Variants in GAB4 observed in about 807,000 individuals in gnomAD.
GAB4 encodes the protein GRB2-associated-binding protein 4.
In GAB4, 26 loss-of-function variants were observed where a neutral mutation model predicts 51.3. That is an observed-to-expected ratio of 0.51 (90% CI 0.37 to 0.70). The LOEUF (loss-of-function observed/expected upper bound fraction) is 0.70, where lower values mean the gene tolerates loss of function less well. Ranked by LOEUF, GAB4 falls within the 30% of genes least tolerant of loss-of-function variation. The pLI, the probability that GAB4 is intolerant of heterozygous loss-of-function variation, is 0.00. For synonymous variants in GAB4, 329 were observed against 291.2 expected (o/e 1.13, Z -1.32); for missense variants, 759 against 734.6 (o/e 1.03, Z -0.38).
At chr22:16,977,611 A>G (rs2060790255) in intron 3 of GAB4, among the ~76,000 whole-genome samples, 1 of 152,198 alleles carries the variant, frequency 6.6e-6, no homozygotes, top group African/African-American at 2.4e-5. Flanking sequence ...TATTAGACTG[A>G]TCAATGAGAC....
chr22:17,000,373 T>C (rs1207875926), intron 1 of GAB4, among the ~76,000 whole-genome samples: 1 of 152,232 alleles, frequency 6.6e-6, no homozygotes, highest in Non-Finnish European at 1.5e-5. Context: ...TCTTGTTGAA[T>C]TGATCCCTTT....
chr22:16,964,703 G>C (rs898917030), intron 8 of GAB4, 63 bp downstream of exon 8: 1 of 1,187,178 alleles, frequency 8.4e-7, no homozygotes, highest in Non-Finnish European at 1.2e-6. Context: ...TGGGAAGCGG[G>C]GACATGAGTG....
intron 7 of GAB4, 99 bp downstream of exon 7, chr22:16,965,079 C>T (rs1037343354): frequency 2.2e-6 from 2 of 906,786 alleles, no homozygotes. Context: ...TCCACATCGA[C>T]ATGAGCATCC....
intron 1 of GAB4, among the ~76,000 whole-genome samples, chr22:17,007,652 C>T (rs537009168): frequency 6.6e-6 from 1 of 152,258 alleles, no homozygotes; most frequent in African/African-American, 2.4e-5. Flanking sequence ...TGCGAGGCTG[C>T]GGAGCCTGCT....
At chr22:16,994,617 T>C (rs570851023) in intron 1 of GAB4, among the ~76,000 whole-genome samples, 7 of 152,340 alleles carry the variant, frequency 4.6e-5, no homozygotes, top group African/African-American at 1.7e-4. Flanking sequence ...ATATATTAAG[T>C]TTATATGTTC....
At chr22:16,991,546 C>G (rs2060914014) in intron 2 of GAB4, among the ~76,000 whole-genome samples, 1 of 152,122 alleles carries the variant, frequency 6.6e-6, no homozygotes, top group Non-Finnish European at 1.5e-5. Context: ...ACAAACCCAC[C>G]AAGGGTCAAG....
Position 16,975,602 on chromosome 22 carries a change from G to A in GAB4, c.687-5409C>T, listed in dbSNP as rs116781118. On this transcript the variant is annotated intron_variant, in intron 3 of 9. Transcript: ENST00000400588. Reference sequence around the variant, plus strand: ...CGCAGTTTCAGCAGACTTACAAAACGTTCTGCCTGTGGCTCTGAAGAAAGC... The same window carrying A: ...CGCAGTTTCAGCAGACTTACAAAACATTCTGCCTGTGGCTCTGAAGAAAGC... Among the ~76,000 whole-genome samples the A allele has an allele frequency of 3.8e-3, 582 of 152,342 alleles. 8 individuals carry two copies. Among genetic ancestry groups the A allele is most frequent in the African/African-American group, 0.013 (551 of 41,578 alleles).
intron 1 of GAB4, among the ~76,000 whole-genome samples, chr22:17,001,337 T>TC (rs757809278): frequency 2.6e-5 from 4 of 152,318 alleles, no homozygotes; most frequent in Non-Finnish European, 5.9e-5. Flanking sequence ...TTTGTTTGTT[T>TC]CTTTTTACTC....
At position 16,993,347 on chromosome 22, in the gene GAB4, C is replaced by T. The variant is rs141920494; in HGVS notation, c.175-1171G>A. On this transcript the variant is annotated intron_variant, in intron 1 of 9. Transcript: ENST00000400588. ...CTAAGTACCTCATAGTTTTATTATG[C>T]AAACAAACTCGAACCACTTGCTATA... Among the ~76,000 whole-genome samples, 1,469 of 152,248 alleles carry T rather than the reference C, an allele frequency of 9.6e-3. 8 individuals carry two copies. Among genetic ancestry groups the T allele is most frequent in the Middle Eastern group, 0.024 (7 of 294 alleles).
chr22:16,989,993 G>A (rs1220795068), intron 2 of GAB4, among the ~76,000 whole-genome samples: 13 of 152,170 alleles, frequency 8.5e-5, no homozygotes, highest in African/African-American at 2.7e-4. Flanking sequence ...GATGCTCCAA[G>A]TGAGCCCCTC....
chr22:16,964,533 G>A (rs2060655070), intron 8 of GAB4, among the ~76,000 whole-genome samples: 1 of 152,170 alleles, frequency 6.6e-6, no homozygotes, highest in African/African-American at 2.4e-5. Context: ...AGGGCGAGGT[G>A]GGCTGCCTCT....
At chr22:16,984,686 T>C (rs2060853567) in intron 3 of GAB4, among the ~76,000 whole-genome samples, 2 of 152,252 alleles carry the variant, frequency 1.3e-5, no homozygotes, top group Admixed American at 1.3e-4. Flanking sequence ...CTCTCCTATG[T>C]GTGGCAGTTC....
At chr22:16,981,130 C>T (rs1370033641) in intron 3 of GAB4, among the ~76,000 whole-genome samples, 13 of 151,238 alleles carry the variant, frequency 8.6e-5, no homozygotes, top group Admixed American at 2.6e-4. Flanking sequence ...ACGTTCTGCA[C>T]ATGTATCCCA....
chr22:16,965,582 G>A (rs2060665725), intron 6 of GAB4, among the ~76,000 whole-genome samples: 1 of 152,206 alleles, frequency 6.6e-6, no homozygotes. Context: ...ATAAAAAACA[G>A]ACACAATGTT....
chr22:17,006,402 T>C (rs999387894), intron 1 of GAB4, among the ~76,000 whole-genome samples: 23 of 152,194 alleles, frequency 1.5e-4, no homozygotes, highest in Non-Finnish European at 2.9e-5. Flanking sequence ...TTTTACACTG[T>C]TGGTTGGAGT....
chr22:16,970,453 C>T (rs1285831313), intron 3 of GAB4, among the ~76,000 whole-genome samples: 1 of 152,178 alleles, frequency 6.6e-6, no homozygotes, highest in Non-Finnish European at 1.5e-5. Flanking sequence ...AGAAATCAGA[C>T]TCTAGTATAT....
At chr22:17,006,321 A>C (rs1439316646) in intron 1 of GAB4, among the ~76,000 whole-genome samples, 4 of 152,260 alleles carry the variant, frequency 2.6e-5, no homozygotes, top group African/African-American at 4.8e-5. Context: ...ATCTCACGCC[A>C]GTTAGAATGG....
chr22:16,963,750 G>A lies in GAB4; in HGVS notation c.1556C>T (p.Ala519Val), dbSNP rs61743993. The change falls in exon 9 of 10, where the codon GCG (alanine) becomes GTG (valine). Residue 519 changes from alanine (A) to valine (V), a missense_variant. By Grantham distance (64) the Ala-to-Val change is moderately conservative (BLOSUM62 0). Around this residue, in one of 3 missense-constraint regions of GAB4, gnomAD observed 588 missense variants for 510.2 expected, o/e 1.15. Coordinates refer to ENST00000400588, the MANE Select transcript of GAB4 (RefSeq NM_001037814.1). ...CTTGCTCGGCTGGAAGTCCAGGGCCGCGTAGTGGATGTTACCAGTGCTCCT... is the reference window on the plus strand; with the variant it reads ...CTTGCTCGGCTGGAAGTCCAGGGCCACGTAGTGGATGTTACCAGTGCTCCT... ...PPRSTGNIHY[A>V]ALDFQPSKPS... 545 of 1,613,644 alleles carry A rather than the reference G, an allele frequency of 3.4e-4. No homozygotes were observed. The highest frequency in any genetic ancestry group is 1.5e-3 in the Middle Eastern group (9 of 5,824).
chr22:16,990,823 G>A (rs2060907642), intron 2 of GAB4, among the ~76,000 whole-genome samples: 1 of 152,156 alleles, frequency 6.6e-6, no homozygotes, highest in Admixed American at 6.5e-5. Context: ...CCAGACTGCT[G>A]TGTTTTGTCC....
Sources: gnomAD v4.1 joint callset for allele counts (sites outside exome capture counted in the v4.1 genomes callset) on GRCh38, gnomAD v4.1.1 for gene constraint, gnomAD v4.1.1 regional missense constraint, MANE v1.5 for transcripts, NCBI Gene and HGNC (gene_info 2026-07-23, HGNC 2026-07-21) for gene names.